The following FOXJ3 variants were observed in gnomAD, a reference collection of about 807,000 sequenced individuals.
FOXJ3 encodes forkhead box J3.
A neutral mutation model predicts 76.1 loss-of-function variants in FOXJ3; 22 were observed. That is an observed-to-expected ratio of 0.29 (90% CI 0.21 to 0.41). The LOEUF (loss-of-function observed/expected upper bound fraction) is 0.41. Among genes scored for constraint, FOXJ3 ranks in the 10% least tolerant of loss-of-function variants. The probability of loss-of-function intolerance (pLI) is 1.00; values close to 1 mark genes in which losing one functional copy is unlikely to be tolerated. For missense variants in FOXJ3, 613 were observed against 762.1 expected (o/e 0.80, Z 2.30); for synonymous variants, 269 against 261.2 (o/e 1.03, Z -0.29).
chr1:42,257,642 G>A (rs1650703203), intron 4 of FOXJ3, among the ~76,000 whole-genome samples: 2 of 151,686 alleles, frequency 1.3e-5, no homozygotes, highest in African/African-American at 2.4e-5. Context: ...GGGAGGGTGA[G>A]GCAGGAGAAT....
Position 42,237,405 on chromosome 1 carries a change from C to CATATAT in FOXJ3, c.445-9445_445-9440dup, listed in dbSNP as rs60560055. On this transcript the variant is annotated intron_variant, in intron 4 of 12. Transcript: ENST00000361346. ...ATATATATATATACATACATACATA[C>CATATAT]ATATATATATATATATATATATACA... Among the ~76,000 whole-genome samples the CATATAT allele has an allele frequency of 5.5e-3, 779 of 140,738 alleles. 5 individuals are homozygous for CATATAT. Among genetic ancestry groups the CATATAT allele is most frequent in the Non-Finnish European group, 9.1e-3 (601 of 65,912 alleles). 92.3% of individuals were successfully genotyped at this position (140,738 alleles called of 152,430 possible).
At chr1:42,289,420 A>AT (rs1182498392) in intron 2 of FOXJ3, among the ~76,000 whole-genome samples, 1 of 152,172 alleles carries the variant, frequency 6.6e-6, no homozygotes, top group Non-Finnish European at 1.5e-5. Flanking sequence ...TTTAGCATAC[A>AT]GTGAATGCTT....
intron 2 of FOXJ3, among the ~76,000 whole-genome samples, chr1:42,292,098 A>C (rs1364945591): frequency 6.6e-6 from 1 of 152,094 alleles, no homozygotes; most frequent in Non-Finnish European, 1.5e-5. Flanking sequence ...CAGGGGACAG[A>C]ACCCTAAAGA....
chr1:42,207,240 T>C (rs547107401), intron 5 of FOXJ3, among the ~76,000 whole-genome samples: 1 of 152,228 alleles, frequency 6.6e-6, no homozygotes, highest in Non-Finnish European at 1.5e-5. Context: ...TCTATCTTCA[T>C]GTAATCCACT....
intron 2 of FOXJ3, among the ~76,000 whole-genome samples, chr1:42,303,861 C>G (rs1343669255): frequency 6.6e-6 from 1 of 152,054 alleles, no homozygotes; most frequent in East Asian, 1.9e-4. Context: ...TTTCAACAAG[C>G]CCTAAGAAAC....
intron 10 of FOXJ3, 157 bp from the exon 11 acceptor site, chr1:42,189,085 A>T: frequency 1.6e-6 from 1 of 620,716 alleles, no homozygotes; most frequent in Non-Finnish European, 2.7e-6. Flanking sequence ...TTTTTAAATT[A>T]TTCAAAGCCC....
intron 2 of FOXJ3, among the ~76,000 whole-genome samples, chr1:42,295,728 G>C (rs1221406872): frequency 6.6e-6 from 1 of 151,864 alleles, no homozygotes; most frequent in Non-Finnish European, 1.5e-5. Flanking sequence ...AAGGTTTCAC[G>C]ATGTTGGCCA....
chr1:42,316,333 C>CTTTTTTTTTTTTTTTTTTTTT (rs71065173), intron 1 of FOXJ3, among the ~76,000 whole-genome samples: 6 of 73,916 alleles, frequency 8.1e-5, no homozygotes, highest in African/African-American at 1.3e-4. Flanking sequence ...TGCATTGGGC[C>CTTTTTTTTTTTTTTTTTTTTT]TTTTTTTTTT....
At chr1:42,291,079 T>TAGACAGACAGACAGACAGAC (rs56772390) in intron 2 of FOXJ3, among the ~76,000 whole-genome samples, 1,382 of 125,494 alleles carry the variant, frequency 0.011, 12 homozygotes, top group Middle Eastern at 0.017. Context: ...GATAGATAGA[T>TAGACAGACAGACAGACAGAC]AGATAGACAG....
At chr1:42,238,149 C>G (rs1339422406) in intron 4 of FOXJ3, among the ~76,000 whole-genome samples, 4 of 152,124 alleles carry the variant, frequency 2.6e-5, no homozygotes, top group Admixed American at 6.5e-5. Flanking sequence ...TCTCCCACCT[C>G]AGCCTCCCAA....
Position 42,209,209 on chromosome 1 carries a change from G to A in FOXJ3, c.529-3346C>T, listed in dbSNP as rs906689245. ...TTGTAAACAAATTCAGTAACGTTGCGGGATACAAGATTAACCTATAAAAAT... is the reference window on the plus strand; with the variant it reads ...TTGTAAACAAATTCAGTAACGTTGCAGGATACAAGATTAACCTATAAAAAT... On this transcript the variant is annotated intron_variant, in intron 5 of 12. Transcript: ENST00000361346. Among the ~76,000 whole-genome samples the A allele has an allele frequency of 6.5e-4, 99 of 152,128 alleles. 3 individuals carry two copies. Among genetic ancestry groups the A allele is most frequent in the Admixed American group, 1.0e-3 (16 of 15,276 alleles).
chr1:42,189,248 C>T (rs1202685655), intron 10 of FOXJ3, 55 bp downstream of exon 10: 2 of 1,058,922 alleles, frequency 1.9e-6, no homozygotes, highest in Non-Finnish European at 2.9e-6. Flanking sequence ...TATAATCTAG[C>T]AGAGAAACAG....
intron 4 of FOXJ3, among the ~76,000 whole-genome samples, chr1:42,256,993 T>A (rs974785466): frequency 6.6e-6 from 1 of 151,992 alleles, no homozygotes; most frequent in Admixed American, 6.5e-5. Context: ...AGTTCTATTA[T>A]GTGAACTTAC....
chr1:42,176,944 C>T lies in FOXJ3; in HGVS notation c.*2766G>A, dbSNP rs1045945696. 5 of 152,674 alleles carry T rather than the reference C, an allele frequency of 3.3e-5. No individual in the cohort carries two copies. Among genetic ancestry groups the T allele is most frequent in the Non-Finnish European group, 5.9e-5 (4 of 68,044 alleles). 9.5% of individuals were successfully genotyped at this position (152,674 alleles called of 1,614,324 possible). On this transcript the variant is annotated 3_prime_UTR_variant, in exon 13 of 13. Transcript: ENST00000361346. The stretch of plus-strand genomic sequence containing the variant: ...GTATTTACAAGAACACACATGAATA[C>T]ATTTACATTTCAAAAACTGCCACAA...
chr1:42,243,846 T>G (rs1649337397), intron 4 of FOXJ3, among the ~76,000 whole-genome samples: 1 of 152,196 alleles, frequency 6.6e-6, no homozygotes, highest in Non-Finnish European at 1.5e-5. Flanking sequence ...TACCGAATAT[T>G]TTATCCAACA....
Position 42,191,285 on chromosome 1 carries a change from C to A in FOXJ3, c.1351+18G>T. The stretch of plus-strand genomic sequence containing the variant: ...AATTCACAGTTAGCCAAACACAAAC[C>A]AGGAGACAAAAACTTACCAGAATTA... On this transcript the variant is annotated intron_variant, in intron 9 of 12. Transcript: ENST00000361346. 1 of 1,523,304 alleles carries A rather than the reference C, an allele frequency of 6.6e-7. No individual in the cohort carries two copies. The highest frequency in any genetic ancestry group is 8.8e-7 in the Non-Finnish European group (1 of 1,132,564). The allele number at this position is 1,523,304 out of a possible 1,614,324, so 94.4% of individuals were successfully genotyped here. A position where few individuals can be genotyped will look rare whatever the true frequency, so the allele number is the denominator to read the frequency against.
chr1:42,301,143 A>G (rs951983291), intron 2 of FOXJ3, among the ~76,000 whole-genome samples: 1 of 152,084 alleles, frequency 6.6e-6, no homozygotes, highest in East Asian at 1.9e-4. Flanking sequence ...TAGAATATCT[A>G]TAACCTGTAA....
intron 2 of FOXJ3, among the ~76,000 whole-genome samples, chr1:42,300,360 T>C (rs978504441): frequency 6.6e-6 from 1 of 152,236 alleles, no homozygotes; most frequent in African/African-American, 2.4e-5. Context: ...TGCTTAGAAC[T>C]CCTTTCAGTA....
Position 42,246,185 on chromosome 1 carries a change from T to C in FOXJ3, c.445-18219A>G, listed in dbSNP as rs147764131. ...AGATTATATTAAACTAAAAGACTTCTGCATAGCAAAGTAAATAATCAACGG... is the reference window on the plus strand; with the variant it reads ...AGATTATATTAAACTAAAAGACTTCCGCATAGCAAAGTAAATAATCAACGG... On this transcript the variant is annotated intron_variant, in intron 4 of 12. Coordinates refer to ENST00000361346, the MANE Select transcript of FOXJ3 (RefSeq NM_014947.5). Among the ~76,000 whole-genome samples, 9 of 152,254 alleles carry C rather than the reference T, an allele frequency of 5.9e-5. No individual in the cohort carries two copies. The East Asian group carries it at 1.7e-3, about 29-fold the overall frequency.
Sources: gnomAD v4.1 joint callset for allele counts (sites outside exome capture counted in the v4.1 genomes callset) on GRCh38, gnomAD v4.1.1 for gene constraint, MANE v1.5 for transcripts, NCBI Gene and HGNC (gene_info 2026-07-23, HGNC 2026-07-21) for gene names.